The following SLC26A3 variants were observed in gnomAD, a reference collection of about 807,000 sequenced individuals.
The protein encoded by SLC26A3 is chloride anion exchanger.
SLC26A3 carries 64 observed loss-of-function variants against 85.6 expected under a neutral mutation model. That is an observed-to-expected ratio of 0.75 (90% confidence interval 0.61 to 0.92). The LOEUF (loss-of-function observed/expected upper bound fraction) is 0.92, where lower values mean the gene tolerates loss of function less well. SLC26A3 is among the 40% of genes least tolerant of loss of function. The pLI, the probability that SLC26A3 is intolerant of heterozygous loss-of-function variation, is 0.00. For synonymous variants in SLC26A3, 349 were observed against 336.0 expected (o/e 1.04, Z -0.42); for missense variants, 922 against 927.3 (o/e 0.99, Z 0.07).
Position 107,767,894 on chromosome 7 carries a change from T to G in SLC26A3, c.2077A>C (p.Lys693Gln). ...TCAAAAAATTCATACCGGTTAAGCT[T>G]CTCAATGAAGTCATCTGAAGAGAAA... ...IVGTDDDFIEKLNRYEFFDGE... is the reference protein window; with the variant it reads ...IVGTDDDFIEQLNRYEFFDGE... The change falls in exon 19 of 21, where the codon AAG becomes CAG. Residue 693 changes from lysine to glutamine, a missense_variant. Transcript: ENST00000340010. The G allele has an allele frequency of 6.2e-7, 1 of 1,613,632 alleles. No individual in the cohort carries two copies. Among genetic ancestry groups the G allele is most frequent in the South Asian group, 1.1e-5 (1 of 91,060 alleles).
rs568915502 is a variant in SLC26A3, at chr7:107,765,713, T to A, written c.*142A>T. On this transcript the variant is annotated 3_prime_UTR_variant, in exon 21 of 21. Coordinates refer to ENST00000340010, the MANE Select transcript of SLC26A3 (RefSeq NM_000111.3). ...TAGATATGTGAAAAATATGCCATGC[T>A]AGAACCATCTTGTTCCAAAGTTTGA... is the stretch of plus-strand genomic sequence containing the variant. 2.0e-4 allele frequency: 130 copies of A among 651,594 alleles called. 1 individual carries two copies. In the South Asian group the frequency reaches 2.3e-3, roughly 12 times the overall value. 40.4% of individuals were successfully genotyped at this position (651,594 alleles called of 1,614,324 possible). A position where few individuals can be genotyped will look rare whatever the true frequency, so the allele number is the denominator to read the frequency against.
chr7:107,777,370 G>A (rs538704563), intron 13 of SLC26A3, among the ~76,000 whole-genome samples: 11 of 152,214 alleles, frequency 7.2e-5, no homozygotes, highest in East Asian at 3.9e-4. Flanking sequence ...TAAGTCGGGC[G>A]GATCACCCAA....
chr7:107,790,927 G>A (rs1212545618), intron 5 of SLC26A3, 121 bp downstream of exon 5: 2 of 1,035,096 alleles, frequency 1.9e-6, no homozygotes, highest in African/African-American at 1.6e-5. Flanking sequence ...TATGGGCCAT[G>A]AGGGAGAGAC....
intron 8 of SLC26A3, 139 bp from the exon 9 acceptor site, chr7:107,783,491 C>T (rs1158651614): frequency 9.8e-7 from 1 of 1,016,504 alleles, no homozygotes; most frequent in South Asian, 1.4e-5. Context: ...AATTTAGCTC[C>T]ACTAACAATT....
At chr7:107,772,474 C>A (rs185382838) in intron 17 of SLC26A3, among the ~76,000 whole-genome samples, 1 of 152,210 alleles carries the variant, frequency 6.6e-6, no homozygotes, top group East Asian at 1.9e-4. Context: ...TAAAAAAGAA[C>A]CTATGGACCA....
intron 1 of SLC26A3, among the ~76,000 whole-genome samples, chr7:107,798,482 C>A (rs1053136880): frequency 1.3e-5 from 2 of 152,162 alleles, no homozygotes; most frequent in Non-Finnish European, 2.9e-5. Flanking sequence ...GACCTTTCCA[C>A]TCAGTGTTTA....
chr7:107,778,815 A>G (rs1423463951), intron 12 of SLC26A3, among the ~76,000 whole-genome samples: 1 of 151,968 alleles, frequency 6.6e-6, no homozygotes, highest in Admixed American at 6.6e-5. Context: ...CATAGTGAGA[A>G]TCTGCTTCTA....
chr7:107,777,021 T>G (rs941886316), intron 13 of SLC26A3, among the ~76,000 whole-genome samples: 1 of 152,256 alleles, frequency 6.6e-6, no homozygotes, highest in African/African-American at 2.4e-5. Context: ...CCCAGTTGTA[T>G]GGATGAGAAC....
In SLC26A3 at chr7:107,774,815, G is replaced by A. The variant is rs1171640656; in HGVS notation, c.1735C>T (p.Arg579Ter). The A allele has an allele frequency of 6.2e-6, 10 of 1,613,986 alleles. No individual in the cohort carries two copies. Among genetic ancestry groups the A allele is most frequent in the African/African-American group, 4.0e-5 (3 of 74,922 alleles). Residue 579 changes from arginine (R) to a stop codon, truncating the protein, a stop_gained, in exon 16 of 21, where the codon CGA (arginine) becomes TGA (stop). Coordinates refer to ENST00000340010, the MANE Select transcript of SLC26A3 (RefSeq NM_000111.3). LOFTEE classifies it high-confidence loss of function. ...RKRNKALRKI[R>*]KLQKQGLLQV... ...AGCAAGCCTTGCTTCTGCAGTTTTC[G>A]GATTTTCCTCAAAGCTTTGTTGCGC...
intron 6 of SLC26A3, among the ~76,000 whole-genome samples, chr7:107,788,744 G>C (rs189385050): frequency 7.1e-6 from 1 of 141,390 alleles, no homozygotes; most frequent in Non-Finnish European, 1.6e-5. Flanking sequence ...CTTTTCTTTC[G>C]TTTCCTTTTT....
intron 6 of SLC26A3, among the ~76,000 whole-genome samples, chr7:107,788,941 C>T (rs2115864801): frequency 6.6e-6 from 1 of 151,232 alleles, no homozygotes; most frequent in African/African-American, 2.4e-5. Flanking sequence ...CACCACCATG[C>T]CCGGCTAATT....
At position 107,797,258 on chromosome 7, in the gene SLC26A3, C is replaced by G. The variant is rs1304678974; in HGVS notation, c.-88-2661G>C. On this transcript the variant is annotated intron_variant, in intron 1 of 20. Transcript: ENST00000340010. Reference sequence around the variant, plus strand: ...CCTGTAATCCCAGCACTTTGGGAGGCTGAAGCAGGAGGATCACTTGAGGTC... The same window carrying G: ...CCTGTAATCCCAGCACTTTGGGAGGGTGAAGCAGGAGGATCACTTGAGGTC... 2.6e-5 allele frequency among the ~76,000 whole-genome samples: 4 copies of G among 152,218 alleles called. No homozygotes were observed. In the East Asian group the frequency reaches 7.7e-4, roughly 29 times the overall value.
intron 20 of SLC26A3, among the ~76,000 whole-genome samples, chr7:107,767,286 A>C (rs1207036255): frequency 1.3e-5 from 2 of 152,238 alleles, no homozygotes; most frequent in Non-Finnish European, 2.9e-5. Flanking sequence ...ACAGGGCCAG[A>C]ATAAGAGCAT....
intron 1 of SLC26A3, among the ~76,000 whole-genome samples, chr7:107,798,676 C>A (rs769972515): frequency 6.6e-6 from 1 of 152,162 alleles, no homozygotes; most frequent in Non-Finnish European, 1.5e-5. Context: ...TGCCTCCACT[C>A]TTGGACAAGG....
At chr7:107,780,080 A>G (rs144417779) in intron 11 of SLC26A3, among the ~76,000 whole-genome samples, 27 of 151,954 alleles carry the variant, frequency 1.8e-4, no homozygotes, top group Admixed American at 6.6e-4. Context: ...ATGACAGACT[A>G]ACATTTGGAA....
chr7:107,773,853 C>A (rs765374182), intron 17 of SLC26A3, 67 bp downstream of exon 17: 1 of 1,366,702 alleles, frequency 7.3e-7, no homozygotes, highest in Non-Finnish European at 1.0e-6. Flanking sequence ...GCCCAGCCCA[C>A]AAATACAATT....
At chr7:107,778,992 TA>T (rs756737558) in intron 12 of SLC26A3, among the ~76,000 whole-genome samples, 3 of 151,496 alleles carry the variant, frequency 2.0e-5, no homozygotes, top group Non-Finnish European at 3.0e-5. Flanking sequence ...TCCTATCTCT[TA>T]AAAAAAAATC....
At chr7:107,783,392 A>G (rs760037858) in intron 8 of SLC26A3, 40 bp from the exon 9 acceptor site, 27 of 1,610,584 alleles carry the variant, frequency 1.7e-5, no homozygotes, top group East Asian at 2.2e-5. Context: ...TCACCAACCA[A>G]TTTATAAACT....
chr7:107,791,174 T>C lies in SLC26A3; in HGVS notation c.444A>G (p.Ala148=), dbSNP rs761450081. 1 of 1,614,242 alleles carries C rather than the reference T, an allele frequency of 6.2e-7. No individual in the cohort carries two copies. Among genetic ancestry groups the C allele is most frequent in the Non-Finnish European group, 8.5e-7 (1 of 1,180,030 alleles). ...AAGTAGTTGCATTGCGATCTGGGAC[T>C]GCTTTTGAAACTGCTCCTGAAACTG... ...GLAVSGAVSK[A]VPDRNATTLG... is the part of the protein sequence containing the mutation. The change falls in exon 5 of 21, where the codon GCA becomes GCG. Residue 148 remains alanine (A), a synonymous_variant. Coordinates refer to ENST00000340010, the MANE Select transcript of SLC26A3 (RefSeq NM_000111.3).
Sources: gnomAD v4.1 joint callset for allele counts (sites outside exome capture counted in the v4.1 genomes callset) on GRCh38, gnomAD v4.1.1 for gene constraint, MANE v1.5 for transcripts, NCBI Gene and HGNC (gene_info 2026-07-23, HGNC 2026-07-21) for gene names.